AFG2A: variants seen among roughly 807,000 people sequenced by gnomAD.
AFG2A encodes the protein AAA ATPase AFG2A.
chr4:123,262,686 A>G, the AFG2A span, among the ~76,000 whole-genome samples: 33 of 152,330 alleles, frequency 2.2e-4, no homozygotes, highest in Non-Finnish European at 4.1e-4. Context: ...TTCTCCAAAA[A>G]AGTATAAGCT....
At chr4:123,185,349 CTG>C in the AFG2A span, among the ~76,000 whole-genome samples, 1 of 151,942 alleles carries the variant, frequency 6.6e-6, no homozygotes, top group East Asian at 1.9e-4. Flanking sequence ...GTCATAATAA[CTG>C]TTACAATAGC....
the AFG2A span, among the ~76,000 whole-genome samples, chr4:123,199,462 G>GTGTTTT: frequency 2.1e-5 from 1 of 47,412 alleles, no homozygotes; most frequent in Non-Finnish European, 4.4e-5. Flanking sequence ...ATACTCAGAG[G>GTGTTTT]TTTTTTTTTT....
the AFG2A span, chr4:123,316,323 C>T: frequency 6.6e-6 from 1 of 152,146 alleles, no homozygotes; most frequent in East Asian, 1.9e-4. Flanking sequence ...TCAGACATAT[C>T]AGCCACATTT....
At chr4:122,974,440 A>C in the AFG2A span, among the ~76,000 whole-genome samples, 3 of 152,130 alleles carry the variant, frequency 2.0e-5, no homozygotes, top group Non-Finnish European at 4.4e-5. Context: ...GAACAGCTTA[A>C]ATTTTCCCAG....
chr4:123,074,043 A>C, the AFG2A span, among the ~76,000 whole-genome samples: 1 of 150,692 alleles, frequency 6.6e-6, no homozygotes, highest in African/African-American at 2.4e-5. Flanking sequence ...TTTTGAGTCC[A>C]TTCTTGATCT....
the AFG2A span, among the ~76,000 whole-genome samples, chr4:122,949,717 A>G: frequency 6.6e-6 from 1 of 152,174 alleles, no homozygotes; most frequent in Non-Finnish European, 1.5e-5. Context: ...TACAATACCA[A>G]ATGGACTGGC....
the AFG2A span, chr4:123,102,155 T>C: frequency 3.3e-5 from 5 of 152,052 alleles, no homozygotes; most frequent in South Asian, 1.0e-3. Context: ...AGGTTTTTGT[T>C]TTTTGTTTTC....
the AFG2A span, among the ~76,000 whole-genome samples, chr4:123,016,448 C>T: frequency 6.6e-5 from 9 of 135,944 alleles, no homozygotes; most frequent in Admixed American, 3.6e-4. Flanking sequence ...CAGACGGGGT[C>T]GCGGCCGGGT....
chr4:123,278,010 C>T, the AFG2A span, among the ~76,000 whole-genome samples: 1 of 152,122 alleles, frequency 6.6e-6, no homozygotes, highest in African/African-American at 2.4e-5. Context: ...AGAGGGATCC[C>T]TCCTCCCTAA....
chr4:123,238,201 A>G, the AFG2A span, among the ~76,000 whole-genome samples: 1 of 152,238 alleles, frequency 6.6e-6, no homozygotes. Flanking sequence ...AGCCCACTGC[A>G]GCTCAGGAAG....
the AFG2A span, among the ~76,000 whole-genome samples, chr4:123,124,304 A>G: frequency 6.6e-6 from 1 of 152,200 alleles, no homozygotes; most frequent in Admixed American, 6.5e-5. Context: ...AATACTATGC[A>G]GCCATAAAAA....
the AFG2A span, among the ~76,000 whole-genome samples, chr4:123,238,076 AGTG>A: frequency 6.6e-6 from 1 of 152,196 alleles, no homozygotes; most frequent in Non-Finnish European, 1.5e-5. Context: ...GCTTGCTGCT[AGTG>A]CAGCAGTTTG....
chr4:123,170,386 C>T, the AFG2A span, among the ~76,000 whole-genome samples: 1 of 152,110 alleles, frequency 6.6e-6, no homozygotes, highest in Non-Finnish European at 1.5e-5. Context: ...ATACCCCTAT[C>T]GTCATTGCCT....
the AFG2A span, chr4:123,256,081 A>C: frequency 1.2e-5 from 20 of 1,614,110 alleles, no homozygotes; most frequent in Non-Finnish European, 1.7e-5. Flanking sequence ...CAGCAACAAG[A>C]AGGGAAATAT....
the AFG2A span, chr4:122,936,174 A>T: frequency 7.0e-6 from 11 of 1,582,624 alleles, no homozygotes; most frequent in Non-Finnish European, 9.4e-6. Flanking sequence ...TTATTTTTAA[A>T]TGTTTTGGAA....
the AFG2A span, among the ~76,000 whole-genome samples, chr4:123,243,955 AAGTCTGT>A: frequency 1.3e-5 from 2 of 152,144 alleles, no homozygotes; most frequent in Non-Finnish European, 2.9e-5. Flanking sequence ...CCTGGAGGTC[AAGTCTGT>A]AGTGAGCCAT....
chr4:123,034,293 T>C, the AFG2A span, among the ~76,000 whole-genome samples: 1 of 152,110 alleles, frequency 6.6e-6, no homozygotes, highest in Non-Finnish European at 1.5e-5. Context: ...AGATAACTGA[T>C]AAATGACTAT....
the AFG2A span, among the ~76,000 whole-genome samples, chr4:123,074,192 C>G: frequency 6.7e-6 from 1 of 149,690 alleles, no homozygotes; most frequent in Non-Finnish European, 1.5e-5. Flanking sequence ...CTCCCAGGTT[C>G]AAGCAATTCA....
At chr4:123,058,103 A>G in the AFG2A span, among the ~76,000 whole-genome samples, 48 of 152,292 alleles carry the variant, frequency 3.2e-4, no homozygotes, top group Middle Eastern at 3.4e-3. Context: ...ATAAATTGTC[A>G]TTAGGAACCT....
Sources: gnomAD v4.1 joint callset for allele counts (sites outside exome capture counted in the v4.1 genomes callset) on GRCh38, gnomAD v4.1.1 for gene constraint, MANE v1.5 for transcripts, NCBI Gene and HGNC (gene_info 2026-07-23, HGNC 2026-07-21) for gene names.